TLN2: variants seen among roughly 807,000 people sequenced by gnomAD.
The protein encoded by TLN2 is talin-2.
In TLN2, 118 loss-of-function variants were observed where a neutral mutation model predicts 294.7. That is an observed-to-expected ratio of 0.40 (90% CI 0.34 to 0.47). The LOEUF (loss-of-function observed/expected upper bound fraction) is 0.47, where lower values mean the gene tolerates loss of function less well. Among genes scored for constraint, TLN2 ranks in the 20% least tolerant of loss-of-function variants. TLN2 has a pLI of 0.84. For synonymous variants in TLN2, 1,431 were observed against 1,304.5 expected (o/e 1.10, Z -2.09); for missense variants, 3,083 against 3,282.2 (o/e 0.94, Z 1.48).
intron 44 of TLN2, among the ~76,000 whole-genome samples, chr15:62,781,743 A>T (rs1463431479): frequency 6.6e-6 from 1 of 152,192 alleles, no homozygotes; most frequent in Non-Finnish European, 1.5e-5. Flanking sequence ...CAGTATGGTT[A>T]TGTAATAAGA....
intron 1 of TLN2, among the ~76,000 whole-genome samples, chr15:62,437,103 T>A (rs1369818736): frequency 6.6e-6 from 1 of 152,258 alleles, no homozygotes; most frequent in Non-Finnish European, 1.5e-5. Context: ...TTCAATGGAC[T>A]TTTTAATCAC....
intron 1 of TLN2, among the ~76,000 whole-genome samples, chr15:62,512,504 C>T (rs1178337057): frequency 3.2e-4 from 49 of 152,138 alleles, no homozygotes; most frequent in Admixed American, 3.2e-3. Context: ...ACTAAATAGA[C>T]CACTCTGTCT....
intron 22 of TLN2, among the ~76,000 whole-genome samples, chr15:62,712,785 T>C (rs1054877279): frequency 2.6e-5 from 4 of 152,354 alleles, no homozygotes; most frequent in Middle Eastern, 3.4e-3. Flanking sequence ...GATATTCCGA[T>C]GTGCATCTCT....
chr15:62,558,259 C>T (rs1361534639), intron 1 of TLN2, among the ~76,000 whole-genome samples: 1 of 152,146 alleles, frequency 6.6e-6, no homozygotes, highest in Non-Finnish European at 1.5e-5. Context: ...ATGACTTTGT[C>T]ATCCATCTGA....
In TLN2 at chr15:62,769,269, C is replaced by T. The variant is rs776148861; in HGVS notation, c.5197-1695C>T. 6.6e-4 allele frequency among the ~76,000 whole-genome samples: 101 copies of T among 152,370 alleles called. No individual in the cohort carries two copies. In the Middle Eastern group the frequency reaches 0.014, roughly 21 times the overall value. ...CCCGATGACCCTTCAGTGCTCCGTT[C>T]CCTTTGGTGGTGACACCAGTGCCCT... is the stretch of plus-strand genomic sequence containing the variant. On this transcript the variant is annotated intron_variant, in intron 41 of 58. Transcript: ENST00000636159.
At chr15:62,643,680 C>G (rs1430970066) in intron 3 of TLN2, among the ~76,000 whole-genome samples, 1 of 151,974 alleles carries the variant, frequency 6.6e-6, no homozygotes, top group African/African-American at 2.4e-5. Flanking sequence ...TCTGTGGGAG[C>G]AGGTTACCTC....
At chr15:62,724,852 G>T (rs2060350479) in intron 26 of TLN2, 124 bp from the exon 27 acceptor site, 1 of 1,250,666 alleles carries the variant, frequency 8.0e-7, no homozygotes, top group Non-Finnish European at 1.1e-6. Context: ...TGCTTTCCTT[G>T]CTCCTCCTGC....
rs764920952 is a variant in TLN2, at chr15:62,618,152, A to G, written c.-161-199A>G. 8.5e-4 allele frequency among the ~76,000 whole-genome samples: 128 copies of G among 150,762 alleles called. 1 individual carries two copies. The highest frequency in any genetic ancestry group is 1.6e-3 in the Non-Finnish European group (108 of 67,798). On this transcript the variant is annotated intron_variant, in intron 2 of 58. Coordinates refer to ENST00000636159, the MANE Select transcript of TLN2 (RefSeq NM_015059.3). The stretch of plus-strand genomic sequence containing the variant: ...GGTTTCTTCAATAACAGCCAGGTGG[A>G]TCATAGTGGCCCAAGACCCTAGGAA...
At chr15:62,661,437 A>G (rs954215915) in intron 9 of TLN2, among the ~76,000 whole-genome samples, 1 of 152,186 alleles carries the variant, frequency 6.6e-6, no homozygotes, top group Non-Finnish European at 1.5e-5. Context: ...TACTGGTCAA[A>G]ACAAACAAGA....
At chr15:62,678,474 T>A (rs2141019714) in intron 11 of TLN2, among the ~76,000 whole-genome samples, 1 of 152,374 alleles carries the variant, frequency 6.6e-6, no homozygotes, top group Admixed American at 6.5e-5. Context: ...TTGCTCACCA[T>A]GATAGAGGTT....
rs968558249 is a variant in TLN2, at chr15:62,565,140, G to A, written c.-237-24547G>A. Among the ~76,000 whole-genome samples, 4 of 152,120 alleles carry A rather than the reference G, an allele frequency of 2.6e-5. No individual in the cohort carries two copies. In the South Asian group the frequency reaches 8.3e-4, roughly 32 times the overall value. The stretch of plus-strand genomic sequence containing the variant: ...AAACACCCCAGAGTCTGCATGCTGG[G>A]TGAAGTCCCAGCCAACACTCAGGAG... On this transcript the variant is annotated intron_variant, in intron 1 of 58. Transcript: ENST00000636159.
At position 62,761,583 on chromosome 15, in the gene TLN2, C is replaced by G. The variant is rs563712349; in HGVS notation, c.4639-98C>G. On this transcript the variant is annotated intron_variant, in intron 37 of 58. Coordinates refer to ENST00000636159, the MANE Select transcript of TLN2 (RefSeq NM_015059.3). ...AAGTCACCAGAGATTTTCAGTGTTC[C>G]GGTTGAACCACCTTCTTTCACTAAG... 3.3e-5 allele frequency: 50 copies of G among 1,535,088 alleles called. No individual in the cohort carries two copies. In the African/African-American group the frequency reaches 6.3e-4, roughly 19 times the overall value.
chr15:62,655,607 TGGCACTGTCCCCTGCTCC>T (rs2053125554), intron 7 of TLN2, among the ~76,000 whole-genome samples: 24 of 1,006 alleles, frequency 0.024, 12 homozygotes, highest in South Asian at 0.5. Flanking sequence ...GTGGGTTGGC[TGGCACTGTCCCCTGCTCC>T]ACAGAGGGTG....
rs544591548 is a variant in TLN2, at chr15:62,553,641, G to T, written c.-237-36046G>T. Among the ~76,000 whole-genome samples the T allele has an allele frequency of 8.5e-5, 13 of 152,084 alleles. No homozygotes were observed. In the South Asian group the frequency reaches 2.7e-3, roughly 32 times the overall value. On this transcript the variant is annotated intron_variant, in intron 1 of 58. Transcript: ENST00000636159. ...AAGAATTTGGTACATGTAATTTTCA[G>T]GCCTTTTCAGAAAATGCACATAAAA...
intron 1 of TLN2, among the ~76,000 whole-genome samples, chr15:62,519,718 G>A (rs1419051089): frequency 6.6e-6 from 1 of 152,208 alleles, no homozygotes; most frequent in Non-Finnish European, 1.5e-5. Context: ...TTTGATGGTT[G>A]AGGACTATAA....
At chr15:62,524,992 C>T (rs1437516652) in intron 1 of TLN2, among the ~76,000 whole-genome samples, 1 of 152,216 alleles carries the variant, frequency 6.6e-6, no homozygotes, top group East Asian at 1.9e-4. Context: ...AGGACAAGAG[C>T]AACATGGTGG....
At chr15:62,735,024 G>T (rs565890267) in intron 28 of TLN2, among the ~76,000 whole-genome samples, 1 of 152,168 alleles carries the variant, frequency 6.6e-6, no homozygotes, top group Non-Finnish European at 1.5e-5. Context: ...ACTGATTTGC[G>T]TATTTTTCAC....
At position 62,726,893 on chromosome 15, in the gene TLN2, G is replaced by A. The variant is rs74022716; in HGVS notation, c.3256-194G>A. The stretch of plus-strand genomic sequence containing the variant: ...TTGGGAGGGGAGGGGGCATGGGGCA[G>A]GGATTTGCACCCAGATTTGTTTGTT... On this transcript the variant is annotated intron_variant, in intron 27 of 58. Transcript: ENST00000636159. Among the ~76,000 whole-genome samples, 365 of 152,270 alleles carry A rather than the reference G, an allele frequency of 2.4e-3. 1 individual carries two copies. The highest frequency in any genetic ancestry group is 8.3e-3 in the African/African-American group (346 of 41,554).
At position 62,458,688 on chromosome 15, in the gene TLN2, G is replaced by C. The variant is rs377184208; in HGVS notation, c.-238+68003G>C. 2.0e-5 allele frequency among the ~76,000 whole-genome samples: 3 copies of C among 151,758 alleles called. No homozygotes were observed. In the East Asian group the frequency reaches 5.8e-4, roughly 30 times the overall value. ...GGAGGCTGAGGTGGGAGGGTCACCT[G>C]AGTCCAGGAGGTCAAGGCTACAGTG... On this transcript the variant is annotated intron_variant, in intron 1 of 58. Coordinates refer to ENST00000636159, the MANE Select transcript of TLN2 (RefSeq NM_015059.3).
Sources: gnomAD v4.1 joint callset for allele counts (sites outside exome capture counted in the v4.1 genomes callset) on GRCh38, gnomAD v4.1.1 for gene constraint, MANE v1.5 for transcripts, NCBI Gene and HGNC (gene_info 2026-07-23, HGNC 2026-07-21) for gene names.